The following DNM1L variants were observed in gnomAD, a reference collection of about 807,000 sequenced individuals.
The protein encoded by DNM1L is dynamin-1-like protein.
DNM1L carries 33 observed loss-of-function variants against 92.8 expected under a neutral mutation model. The observed-to-expected ratio is 0.36, with a 90% CI of 0.27 to 0.48. The LOEUF (loss-of-function observed/expected upper bound fraction) is 0.48. Among genes scored for constraint, DNM1L ranks in the 20% least tolerant of loss-of-function variants. The probability of loss-of-function intolerance (pLI) is 0.99; values close to 1 mark genes in which losing one functional copy is unlikely to be tolerated. For synonymous variants in DNM1L, 284 were observed against 305.0 expected (o/e 0.93, Z 0.72); for missense variants, 485 against 888.8 (o/e 0.55, Z 5.78).
rs764487834 is a variant in DNM1L at position 32,722,605 on chromosome 12, A to G, written c.1051A>G (p.Thr351Ala). 1 of 1,612,816 alleles carries G rather than the reference A, an allele frequency of 6.2e-7. No homozygotes were observed. Among genetic ancestry groups the G allele is most frequent in the Middle Eastern group, 1.9e-4 (1 of 5,218 alleles). Residue 351 changes from threonine (T) to alanine (A), a missense_variant, in exon 9 of 20, where the codon ACT becomes GCT. By Grantham distance (58) the Thr-to-Ala change is moderately conservative. Transcript: ENST00000549701. ...ATEYCNTIEG[T>A]AKYIETSELC... ...AGAATATTGTAACACTATTGAAGGAACTGCAAAATATATTGAAACTTCGGA... is the reference window on the plus strand; with the variant it reads ...AGAATATTGTAACACTATTGAAGGAGCTGCAAAATATATTGAAACTTCGGA...
At position 32,722,643 on chromosome 12, in the gene DNM1L, A is replaced by C. The variant is rs7137182; in HGVS notation, c.1079+10A>C. 6.2e-7 allele frequency: 1 copy of C among 1,606,560 alleles called. No homozygotes were observed. The highest frequency in any genetic ancestry group is 1.3e-5 in the African/African-American group (1 of 74,788). On this transcript the variant is annotated intron_variant, in intron 9 of 19. Coordinates refer to ENST00000549701, the MANE Select transcript of DNM1L (RefSeq NM_012062.5). ...TTGAAACTTCGGAGCTGTAAGTAAG[A>C]AATTTTTCTGTAGATTTGGTTACCT...
chr12:32,706,541 C>T (rs1565506629), intron 2 of DNM1L: 1 of 356,864 alleles, frequency 2.8e-6, no homozygotes, highest in Non-Finnish European at 5.5e-6. Context: ...TCACACAGTG[C>T]AACAGTGAAT....
chr12:32,710,618 CAA>C (rs72384937), intron 4 of DNM1L, among the ~76,000 whole-genome samples: 3,219 of 88,818 alleles, frequency 0.036, 89 homozygotes, highest in African/African-American at 0.097. Flanking sequence ...GACCTTGTCT[CAA>C]AAAAAAAAAA....
At chr12:32,689,688 A>G (rs1254952201) in intron 1 of DNM1L, among the ~76,000 whole-genome samples, 1 of 152,232 alleles carries the variant, frequency 6.6e-6, no homozygotes, top group Non-Finnish European at 1.5e-5. Context: ...TGCCTTACAC[A>G]ATGAAAAATT....
At chr12:32,742,836 A>G (rs1246950347) in intron 19 of DNM1L, 88 bp downstream of exon 19, 2 of 1,317,962 alleles carry the variant, frequency 1.5e-6, no homozygotes, top group Non-Finnish European at 2.1e-6. Context: ...TTGGATATGT[A>G]TAGTCTTTAT....
intron 5 of DNM1L, 56 bp from the exon 6 acceptor site, chr12:32,713,153 A>G: frequency 4.4e-6 from 7 of 1,597,870 alleles, no homozygotes; most frequent in Non-Finnish European, 6.0e-6. Flanking sequence ...AATGTGGGTA[A>G]AAAAGCTGAG....
At chr12:32,726,369 T>A in intron 9 of DNM1L, 1 of 1,571,618 alleles carries the variant, frequency 6.4e-7, no homozygotes, top group Non-Finnish European at 8.7e-7. Flanking sequence ...CAAGGCCACA[T>A]ATATCCTGCT....
chr12:32,741,897 C>A (rs933791336), intron 18 of DNM1L, among the ~76,000 whole-genome samples: 1 of 152,074 alleles, frequency 6.6e-6, no homozygotes, highest in Non-Finnish European at 1.5e-5. Flanking sequence ...AATGAAATCA[C>A]CTAATAATGC....
intron 1 of DNM1L, among the ~76,000 whole-genome samples, chr12:32,686,613 C>T (rs1439991839): frequency 6.6e-6 from 1 of 152,116 alleles, no homozygotes; most frequent in Non-Finnish European, 1.5e-5. Flanking sequence ...TATTGGTGTA[C>T]AAGTATTTGA....
In DNM1L at chr12:32,718,774, A is replaced by T; in HGVS notation, c.740+11A>T. On this transcript the variant is annotated intron_variant, in intron 7 of 19. Coordinates refer to ENST00000549701, the MANE Select transcript of DNM1L (RefSeq NM_012062.5). ...TGGAGTAGTTAACAGGTTAGCAGTT[A>T]GAATGGGATAAGAATTGGGATAAGC... is the stretch of plus-strand genomic sequence containing the variant. 1 of 1,613,384 alleles carries T rather than the reference A, an allele frequency of 6.2e-7. No homozygotes were observed. Among genetic ancestry groups the T allele is most frequent in the Non-Finnish European group, 8.5e-7 (1 of 1,179,528 alleles).
rs1952707478 is a variant in DNM1L at position 32,701,694 on chromosome 12, G to A, written c.250+132G>A. The A allele has an allele frequency of 6.1e-6, 5 of 817,152 alleles. No homozygotes were observed. The East Asian group carries it at 1.3e-4, about 22-fold the overall frequency. 50.6% of individuals were successfully genotyped at this position (817,152 alleles called of 1,614,324 possible). ...TTAGAAGTCCTGTGAGAAGTAGTAT[G>A]CATCTTTCTTAATGTAAAAAAAAGA... On this transcript the variant is annotated intron_variant, in intron 2 of 19. Coordinates refer to ENST00000549701, the MANE Select transcript of DNM1L (RefSeq NM_012062.5).
intron 4 of DNM1L, 32 bp from the exon 5 acceptor site, chr12:32,710,897 A>C (rs1439541307): frequency 1.3e-6 from 2 of 1,485,928 alleles, no homozygotes; most frequent in Admixed American, 1.8e-5. Flanking sequence ...TAGTTCATTG[A>C]AATTTTAATA....
chr12:32,735,567 A>C lies in DNM1L; in HGVS notation c.1540-1538A>C, dbSNP rs1388936705. On this transcript the variant is annotated intron_variant, in intron 13 of 19. Transcript: ENST00000549701. ...ATAAAATTGGGTCAAATTTCTGTCAAAAAAAATTATTACACATGAAACATC... is the reference window on the plus strand; with the variant it reads ...ATAAAATTGGGTCAAATTTCTGTCACAAAAAATTATTACACATGAAACATC... Among the ~76,000 whole-genome samples the C allele has an allele frequency of 2.0e-5, 3 of 152,082 alleles. No individual in the cohort carries two copies. In the East Asian group the frequency reaches 5.8e-4, roughly 29 times the overall value.
At chr12:32,716,261 C>T (rs1210573332) in intron 6 of DNM1L, among the ~76,000 whole-genome samples, 1 of 151,624 alleles carries the variant, frequency 6.6e-6, no homozygotes, top group African/African-American at 2.4e-5. Flanking sequence ...GTGGCAATGT[C>T]TTGAGTTGGT....
intron 9 of DNM1L, chr12:32,727,531 A>G: frequency 1.8e-6 from 1 of 559,850 alleles, no homozygotes; most frequent in East Asian, 2.9e-5. Flanking sequence ...TGAAAATGGA[A>G]AAAAAAACCA....
At position 32,726,313 on chromosome 12, in the gene DNM1L, CAGTA is replaced by C. The variant is rs1189284699; in HGVS notation, c.1079+3687_1079+3690del. The C allele has an allele frequency of 7.8e-6, 10 of 1,281,996 alleles. 1 individual carries two copies. The highest frequency in any genetic ancestry group is 7.4e-5 in the African/African-American group (5 of 67,876). 79.4% of individuals were successfully genotyped at this position (1,281,996 alleles called of 1,614,324 possible). ...ACCAAGAAAATACAAAAACATAAGG[CAGTA>C]AGTAAGAATTGTGTTTAGGCTAGGA... On this transcript the variant is annotated intron_variant, in intron 9 of 19. Coordinates refer to ENST00000549701, the MANE Select transcript of DNM1L (RefSeq NM_012062.5).
At chr12:32,718,564 T>G in intron 6 of DNM1L, 79 bp from the exon 7 acceptor site, 1 of 1,587,860 alleles carries the variant, frequency 6.3e-7, no homozygotes, top group Non-Finnish European at 8.6e-7. Flanking sequence ...AGGGTTTTCC[T>G]TTATTAACAC....
chr12:32,716,431 A>G (rs1227689234), intron 6 of DNM1L, among the ~76,000 whole-genome samples: 1 of 152,130 alleles, frequency 6.6e-6, no homozygotes, highest in African/African-American at 2.4e-5. Flanking sequence ...ACCTGGGCTC[A>G]GGTGATTCTC....
intron 4 of DNM1L, among the ~76,000 whole-genome samples, chr12:32,709,144 T>C (rs1382255775): frequency 6.6e-6 from 1 of 152,180 alleles, no homozygotes; most frequent in Non-Finnish European, 1.5e-5. Flanking sequence ...GCTTTGTTCA[T>C]TGTTGAACTC....
Sources: allele counts gnomAD v4.1 joint callset (sites outside exome capture counted in the v4.1 genomes callset), GRCh38; gene constraint gnomAD v4.1.1; transcripts MANE v1.5; gene names NCBI Gene and HGNC (gene_info 2026-07-23, HGNC 2026-07-21).